CKAP5: variants seen among roughly 807,000 people sequenced by gnomAD.
CKAP5 encodes cytoskeleton-associated protein 5.
CKAP5 carries 27 observed loss-of-function variants against 232.8 expected under a neutral mutation model. The ratio of observed to expected loss-of-function variants is 0.12; its 90% CI spans 0.09 to 0.16. CKAP5 has a LOEUF of 0.16. Among genes scored for constraint, CKAP5 ranks in the 10% least tolerant of loss-of-function variants. The pLI is 1.00. For missense variants in CKAP5, 1,838 were observed against 2,424.7 expected (o/e 0.76, Z 5.08); for synonymous variants, 785 against 841.1 (o/e 0.93, Z 1.16).
chr11:46,782,530 C>T (rs1052312146), intron 18 of CKAP5, among the ~76,000 whole-genome samples: 1 of 151,996 alleles, frequency 6.6e-6, no homozygotes, highest in African/African-American at 2.4e-5. Flanking sequence ...ACTCAAAATA[C>T]CCTTTTACAA....
At chr11:46,759,081 T>A in intron 34 of CKAP5, 38 bp from the exon 35 acceptor site, 1 of 1,607,290 alleles carries the variant, frequency 6.2e-7, no homozygotes, top group Non-Finnish European at 8.5e-7. Context: ...CAACCTCTAT[T>A]ACAAGACATC....
rs1237559124 is a variant in CKAP5, at chr11:46,795,744, T to G, written c.1500A>C (p.Ile500=). Reference sequence around the variant, plus strand: ...CAGCTAGTCCAGCTTTCTTACCATGTATCAGTTCTACCTTTTCTGAACATT... The same window carrying G: ...CAGCTAGTCCAGCTTTCTTACCATGGATCAGTTCTACCTTTTCTGAACATT... ...IKECSEKVEL[I]HGKKAGLAAD... The change falls in exon 13 of 44, where the codon ATA becomes ATC. Residue 500 remains isoleucine (I), a synonymous_variant. Coordinates refer to ENST00000529230, the MANE Select transcript of CKAP5 (RefSeq NM_001008938.4). The G allele has an allele frequency of 6.2e-7, 1 of 1,614,060 alleles. No individual in the cohort carries two copies. The highest frequency in any genetic ancestry group is 1.3e-5 in the African/African-American group (1 of 75,044).
chr11:46,768,705 C>T (rs2065224456), intron 26 of CKAP5, among the ~76,000 whole-genome samples: 1 of 151,670 alleles, frequency 6.6e-6, no homozygotes, highest in South Asian at 2.1e-4. Flanking sequence ...CCTCAGCCTC[C>T]TGGGTAGCTG....
intron 13 of CKAP5, 94 bp from the exon 14 acceptor site, chr11:46,790,677 T>A (rs7940578): frequency 2.4e-6 from 2 of 825,896 alleles, no homozygotes; most frequent in South Asian, 1.8e-5. Context: ...GTGTCTCATA[T>A]TGTTGTCGAG....
At chr11:46,830,334 G>T (rs555955703) in intron 1 of CKAP5, among the ~76,000 whole-genome samples, 1 of 151,262 alleles carries the variant, frequency 6.6e-6, no homozygotes, top group Non-Finnish European at 1.5e-5. Context: ...CCAGCTACTC[G>T]GGAGGCTGAG....
At position 46,750,378 on chromosome 11, in the gene CKAP5, G is replaced by T; in HGVS notation, c.5600C>A (p.Pro1867Gln). 1.9e-6 allele frequency: 3 copies of T among 1,614,020 alleles called. No individual in the cohort carries two copies. The highest frequency in any genetic ancestry group is 2.5e-6 in the Non-Finnish European group (3 of 1,179,938). ...KKKYSDADIE[P>Q]FLKNSSQFFQ... is the part of the protein sequence containing the mutation. The stretch of plus-strand genomic sequence containing the variant: ...GAACTGTGAGGAATTTTTCAGAAAT[G>T]GTTCAATGTCAGCATCTGAGTATTT... The change falls in exon 42 of 44, where the codon CCA (proline) becomes CAA (glutamine). Residue 1867 changes from proline (P) to glutamine (Q), a missense_variant. Pro to Gln is a moderately conservative substitution (Grantham distance 76). Around this residue, in one of 6 missense-constraint regions of CKAP5, gnomAD observed 579 missense variants for 843.2 expected, o/e 0.69. Transcript: ENST00000529230.
chr11:46,759,494 GGGC>G, intron 33 of CKAP5, 52 bp from the exon 34 acceptor site: 1 of 1,549,004 alleles, frequency 6.5e-7, no homozygotes, highest in Non-Finnish European at 8.7e-7. Context: ...CTTAACCAAA[GGGC>G]AAGAGTAGCA....
At chr11:46,787,546 G>A (rs1323357336) in intron 16 of CKAP5, among the ~76,000 whole-genome samples, 1 of 151,950 alleles carries the variant, frequency 6.6e-6, no homozygotes, top group Non-Finnish European at 1.5e-5. Flanking sequence ...CAGTTAATGG[G>A]GCTATACAAT....
At chr11:46,762,590 C>T (rs1172308044) in intron 31 of CKAP5, 37 bp downstream of exon 31, 3 of 1,611,746 alleles carry the variant, frequency 1.9e-6, no homozygotes, top group Non-Finnish European at 1.7e-6. Context: ...GCTACTGCTG[C>T]AGAGATTCAC....
intron 31 of CKAP5, chr11:46,762,405 C>G: frequency 3.5e-6 from 3 of 846,826 alleles, no homozygotes; most frequent in Non-Finnish European, 4.1e-6. Context: ...TCAGATGGCC[C>G]CTGTGCACTT....
chr11:46,845,959 C>G (rs1940179763), intron 1 of CKAP5, among the ~76,000 whole-genome samples: 1 of 151,666 alleles, frequency 6.6e-6, no homozygotes, highest in African/African-American at 2.4e-5. Context: ...CGCTGCCACC[C>G]GCGCCACGCT....
intron 29 of CKAP5, 107 bp from the exon 30 acceptor site, chr11:46,763,286 A>G: frequency 9.2e-7 from 1 of 1,084,632 alleles, no homozygotes; most frequent in Non-Finnish European, 1.3e-6. Context: ...AGAAAATGAC[A>G]GATTTTTAAG....
At chr11:46,773,410 A>G (rs2065266206) in intron 24 of CKAP5, among the ~76,000 whole-genome samples, 1 of 151,646 alleles carries the variant, frequency 6.6e-6, no homozygotes, top group Non-Finnish European at 1.5e-5. Flanking sequence ...CACCATGCCC[A>G]GCTAATTTTT....
rs2065332601 is a variant in CKAP5 at position 46,780,437 on chromosome 11, T to G, written c.2298A>C (p.Ala766=). Residue 766 remains alanine (A), a synonymous_variant, in exon 19 of 44, where the codon GCA becomes GCC. Transcript: ENST00000529230. ...GTTGTTATGTACTCACTGGGTTTGT[T>G]GCAGCAAGAGCTGTCTTCACATTGC... ...FISNVKTALA[A]TNPAVRTAAI... is the part of the protein sequence containing the mutation. The G allele has an allele frequency of 6.2e-7, 1 of 1,613,886 alleles. No homozygotes were observed. Among genetic ancestry groups the G allele is most frequent in the African/African-American group, 1.3e-5 (1 of 74,924 alleles).
In CKAP5 at chr11:46,809,486, C is replaced by T; in HGVS notation, c.778G>A (p.Asp260Asn). The T allele has an allele frequency of 1.2e-6, 2 of 1,610,266 alleles. No homozygotes were observed. Among genetic ancestry groups the T allele is most frequent in the Non-Finnish European group, 1.7e-6 (2 of 1,177,096 alleles). ...TAAGCATCTATTTGTGGCACCTCAT[C>T]ACCATCATCACCACCTTTAAGGAGA... ...GDAEGGGDDG[D>N]EVPQIDAYEL... is the part of the protein sequence containing the mutation. The change falls in exon 7 of 44, where the codon GAT (aspartate) becomes AAT (asparagine). Residue 260 changes from aspartate to asparagine, a missense_variant. Asp to Asn is a conservative substitution (Grantham distance 23). This residue lies in a region of CKAP5 where 285 missense variants were observed against 300.0 expected (regional missense o/e 0.95). Coordinates refer to ENST00000529230, the MANE Select transcript of CKAP5 (RefSeq NM_001008938.4).
chr11:46,756,370 A>G (rs1055424441), intron 35 of CKAP5, among the ~76,000 whole-genome samples: 3 of 152,326 alleles, frequency 2.0e-5, no homozygotes, highest in African/African-American at 7.2e-5. Flanking sequence ...CACAATTAAT[A>G]CAAACAAAAA....
chr11:46,838,524 G>A (rs1939968054), intron 1 of CKAP5, among the ~76,000 whole-genome samples: 1 of 145,706 alleles, frequency 6.9e-6, no homozygotes, highest in Non-Finnish European at 1.5e-5. Context: ...TGTAATCCTA[G>A]CACTTTAGCA....
intron 1 of CKAP5, 84 bp from the exon 2 acceptor site, chr11:46,821,352 C>A (rs1939520468): frequency 2.0e-5 from 11 of 555,714 alleles, no homozygotes; most frequent in South Asian, 4.6e-5. Context: ...ATTATTTTAT[C>A]ATTCATGCAA....
At chr11:46,792,461 G>A (rs948704549) in intron 13 of CKAP5, among the ~76,000 whole-genome samples, 1 of 152,034 alleles carries the variant, frequency 6.6e-6, no homozygotes, top group Non-Finnish European at 1.5e-5. Flanking sequence ...GCTGAGGCAG[G>A]AGAATCACTT....
Sources: allele counts gnomAD v4.1 joint callset (sites outside exome capture counted in the v4.1 genomes callset), GRCh38; gene constraint gnomAD v4.1.1; regional missense constraint gnomAD v4.1.1; transcripts MANE v1.5; gene names NCBI Gene and HGNC (gene_info 2026-07-23, HGNC 2026-07-21).